TAF1L: variants seen among roughly 807,000 people sequenced by gnomAD.
TAF1L encodes TATA-box binding protein associated factor 1 like.
A neutral mutation model predicts 128.8 loss-of-function variants in TAF1L; 30 were observed. The observed-to-expected ratio is 0.23, with a 90% CI of 0.17 to 0.32. The LOEUF (loss-of-function observed/expected upper bound fraction) is 0.32. TAF1L is among the 10% of genes least tolerant of loss of function. The pLI is 1.00. For missense variants in TAF1L, 2,099 were observed against 2,253.7 expected, an observed-to-expected ratio of 0.93 and a Z score of 1.39; for synonymous variants, 764 against 790.7, an observed-to-expected ratio of 0.97 and a Z score of 0.57.
rs765455049 is a variant in TAF1L at position 32,634,219 on chromosome 9, C to T, written c.1361G>A (p.Gly454Asp). The stretch of plus-strand genomic sequence containing the variant: ...CCTAGTCTTAATAGAAGGAAGCCAG[C>T]CTGCCAGGCTTGCACCCTGAGGTTT... Reference protein sequence around the residue: ...GTKPQGASLAGWLPSIKTRNV... With the variant: ...GTKPQGASLADWLPSIKTRNV... The change falls in exon 1 of 1, where the codon GGC becomes GAC. Residue 454 changes from glycine to aspartate, a missense_variant. By Grantham distance (94) the Gly-to-Asp change is moderately conservative (BLOSUM62 -1). Coordinates refer to ENST00000242310, the MANE Select transcript of TAF1L (RefSeq NM_153809.2). 3 of 1,614,174 alleles carry T rather than the reference C, an allele frequency of 1.9e-6. No individual in the cohort carries two copies. The Admixed American group carries it at 5.0e-5, about 27-fold the overall frequency.
rs1460241724 is a variant in TAF1L, at chr9:32,631,404, G to A, written c.4176C>T (p.Ser1392=). ...TAGGGTCTGTGCGGCGTCGGTGGAT[G>A]GACTTATGAGGTATATTCAAATAGT... ...HCDYLNIPHK[S]IHRRRTDPMV... The change falls in exon 1 of 1, where the codon TCC becomes TCT. Residue 1392 remains serine, a synonymous_variant. Coordinates refer to ENST00000242310, the MANE Select transcript of TAF1L (RefSeq NM_153809.2). This position sits in a 1 kb window ranked among gnomAD's most constrained non-coding sequence, Gnocchi z 4.1. 6.2e-7 allele frequency: 1 copy of A among 1,614,150 alleles called. No homozygotes were observed. Among genetic ancestry groups the A allele is most frequent in the African/African-American group, 1.3e-5 (1 of 75,016 alleles).
chr9:32,631,751 G>C lies in TAF1L; in HGVS notation c.3829C>G (p.Pro1277Ala), dbSNP rs777903464. 3.1e-6 allele frequency: 5 copies of C among 1,614,060 alleles called. No homozygotes were observed. Among genetic ancestry groups the C allele is most frequent in the Non-Finnish European group, 4.2e-6 (5 of 1,180,040 alleles). ...GCCCCACATTTCAGTTTTAGGTCAG[G>C]ACGCTCTTTCATTTTCTTGGGCTTC... Reference protein sequence around the residue: ...EKKPKKMKERPDLKLKCGACG... With the variant: ...EKKPKKMKERADLKLKCGACG... Residue 1277 changes from proline (P) to alanine (A), a missense_variant, in exon 1 of 1, where the codon CCT (proline) becomes GCT (alanine). Coordinates refer to ENST00000242310, the MANE Select transcript of TAF1L (RefSeq NM_153809.2). This position sits in a 1 kb window ranked among gnomAD's most constrained non-coding sequence, Gnocchi z 4.1.
At position 32,632,140 on chromosome 9, in the gene TAF1L, T is replaced by G; in HGVS notation, c.3440A>C (p.Glu1147Ala). The G allele has an allele frequency of 1.2e-6, 2 of 1,614,190 alleles. No individual in the cohort carries two copies. Among genetic ancestry groups the G allele is most frequent in the East Asian group, 4.5e-5 (2 of 44,876 alleles). ...SREWEEQERK[E>A]LRRMLLVAGS... ...TGCTACCAGTAGCATTCGCCGTAGT[T>G]CCTTCCGCTCCTGCTCCTCCCATTC... Residue 1147 changes from glutamate to alanine, a missense_variant, in exon 1 of 1, where the codon GAA (glutamate) becomes GCA (alanine). Transcript: ENST00000242310. The surrounding 1 kb of genome is among the most constrained non-coding windows in gnomAD (Gnocchi z 4.4).
At position 32,634,642 on chromosome 9, in the gene TAF1L, T is replaced by C. The variant is rs1192256897; in HGVS notation, c.938A>G (p.Tyr313Cys). Residue 313 changes from tyrosine (Y) to cysteine (C), a missense_variant, in exon 1 of 1, where the codon TAT (tyrosine) becomes TGT (cysteine). Around this residue, in one of 4 missense-constraint regions of TAF1L, gnomAD observed 473 missense variants for 429.6 expected, o/e 1.10. Transcript: ENST00000242310. ...SEVSQKSLWN[Y>C]DYAPPPPPEQ... ...TGGGGGTGGTGGTGGAGCATAGTCA[T>C]AGTTCCACAAAGACTTCTGGCTGAC... 10 of 1,613,946 alleles carry C rather than the reference T, an allele frequency of 6.2e-6. No individual in the cohort carries two copies. Among genetic ancestry groups the C allele is most frequent in the South Asian group, 1.1e-5 (1 of 91,066 alleles).
At position 32,630,155 on chromosome 9, in the gene TAF1L, G is replaced by C; in HGVS notation, c.5425C>G (p.Gln1809Glu). ...GAAGCATGCTGAAGCATGAAGGGTT[G>C]TTTGGGTCTTATTCCACCATATCCC... Reference protein sequence around the residue: ...DVGYGGIRPKQPFMLQHASGE... With the variant: ...DVGYGGIRPKEPFMLQHASGE... Residue 1809 changes from glutamine to glutamate, a missense_variant, in exon 1 of 1, where the codon CAA (glutamine) becomes GAA (glutamate). Around this residue, in one of 4 missense-constraint regions of TAF1L, gnomAD observed 404 missense variants for 406.5 expected, o/e 0.99. Transcript: ENST00000242310. The C allele has an allele frequency of 6.2e-7, 1 of 1,614,196 alleles. No homozygotes were observed. The highest frequency in any genetic ancestry group is 1.1e-5 in the South Asian group (1 of 91,086).
At position 32,634,153 on chromosome 9, in the gene TAF1L, G is replaced by C. The variant is rs781100028; in HGVS notation, c.1427C>G (p.Thr476Ser). 1 of 1,614,068 alleles carries C rather than the reference G, an allele frequency of 6.2e-7. No individual in the cohort carries two copies. Among genetic ancestry groups the C allele is most frequent in the African/African-American group, 1.3e-5 (1 of 74,900 alleles). ...GTACCAAGGTTTGTCATCATCCAGA[G>C]TGGGTGCAAAACCTTGCTGAACATT... ...AYNVQQGFAP[T>S]LDDDKPWYSI... The change falls in exon 1 of 1, where the codon ACT becomes AGT. Residue 476 changes from threonine to serine, a missense_variant. This residue lies in a region of TAF1L where 1,213 missense variants were observed against 1,391.4 expected (regional missense o/e 0.87). Transcript: ENST00000242310.
In TAF1L at chr9:32,634,712, G is replaced by A. The variant is rs1242836540; in HGVS notation, c.868C>T (p.Gln290Ter). Residue 290 changes from glutamine to a stop codon, truncating the protein, a stop_gained, in exon 1 of 1, where the codon CAG becomes TAG. Coordinates refer to ENST00000242310, the MANE Select transcript of TAF1L (RefSeq NM_153809.2). LOFTEE classifies it high-confidence loss of function. ...RKRKKHRELI[Q>*]EEQIQEVECS... ...TCCACCTCCTGGATCTGCTCTTCCT[G>A]TATCAGCTCACGATGCTTCTTCCTC... 2 of 1,614,004 alleles carry A rather than the reference G, an allele frequency of 1.2e-6. No homozygotes were observed. Among genetic ancestry groups the A allele is most frequent in the Non-Finnish European group, 1.7e-6 (2 of 1,180,040 alleles).
rs746394860 is a variant in TAF1L, at chr9:32,631,456, C to G, written c.4124G>C (p.Arg1375Pro). 1 of 1,614,154 alleles carries G rather than the reference C, an allele frequency of 6.2e-7. No individual in the cohort carries two copies. Among genetic ancestry groups the G allele is most frequent in the Non-Finnish European group, 8.5e-7 (1 of 1,180,036 alleles). The change falls in exon 1 of 1, where the codon CGG becomes CCG. Residue 1375 changes from arginine to proline, a missense_variant. Physicochemically the swap from Arg to Pro is moderately radical, Grantham distance 103. Coordinates refer to ENST00000242310, the MANE Select transcript of TAF1L (RefSeq NM_153809.2). This position sits in a 1 kb window ranked among gnomAD's most constrained non-coding sequence, Gnocchi z 4.1. ...ACAATGAACAGTGGTTCCAACTCGC[C>G]GTTTCTTCTTTGGAGGAAGCTGCTG... is the stretch of plus-strand genomic sequence containing the variant. Reference protein sequence around the residue: ...PKQQLPPKKKRRVGTTVHCDY... With the variant: ...PKQQLPPKKKPRVGTTVHCDY...
At position 32,632,366 on chromosome 9, in the gene TAF1L, A is replaced by C. The variant is rs779447214; in HGVS notation, c.3214T>G (p.Phe1072Val). 1.2e-6 allele frequency: 2 copies of C among 1,613,896 alleles called. No individual in the cohort carries two copies. The highest frequency in any genetic ancestry group is 1.3e-5 in the African/African-American group (1 of 74,872). ...PMSKFARGSRFSVAEHQERYK... is the reference protein window; with the variant it reads ...PMSKFARGSRVSVAEHQERYK... ...CGCTCTTGATGCTCAGCCACAGAAAACCTTGATCCACGGGCAAATTTACTC... is the reference window on the plus strand; with the variant it reads ...CGCTCTTGATGCTCAGCCACAGAAACCCTTGATCCACGGGCAAATTTACTC... Residue 1072 changes from phenylalanine to valine, a missense_variant, in exon 1 of 1, where the codon TTT (phenylalanine) becomes GTT (valine). Phe to Val is a conservative substitution (Grantham distance 50). Transcript: ENST00000242310. The surrounding 1 kb of genome is among the most constrained non-coding windows in gnomAD (Gnocchi z 4.4).
In TAF1L at chr9:32,634,745, G is replaced by A. The variant is rs765406541; in HGVS notation, c.835C>T (p.Arg279Trp). The change falls in exon 1 of 1, where the codon CGG (arginine) becomes TGG (tryptophan). Residue 279 changes from arginine to tryptophan, a missense_variant. Arg to Trp is a moderately radical substitution (Grantham distance 101, BLOSUM62 -3). Transcript: ENST00000242310. ...KNVPSVWRSA[R>W]RKRKKHRELI... ...TCACGATGCTTCTTCCTCTTTCTCC[G>A]AGCACTCCGCCAAACAGATGGGACA... is the stretch of plus-strand genomic sequence containing the variant. 90 of 1,613,964 alleles carry A rather than the reference G, an allele frequency of 5.6e-5. 1 individual carries two copies. Among genetic ancestry groups the A allele is most frequent in the Middle Eastern group, 3.3e-4 (2 of 6,084 alleles).
Position 32,635,025 on chromosome 9 carries a change from G to C in TAF1L, c.555C>G (p.Ile185Met), listed in dbSNP as rs1231453335. 1 of 1,614,022 alleles carries C rather than the reference G, an allele frequency of 6.2e-7. No homozygotes were observed. Residue 185 changes from isoleucine to methionine, a missense_variant, in exon 1 of 1, where the codon ATC (isoleucine) becomes ATG (methionine). Around this residue, in one of 4 missense-constraint regions of TAF1L, gnomAD observed 473 missense variants for 429.6 expected, o/e 1.10. Coordinates refer to ENST00000242310, the MANE Select transcript of TAF1L (RefSeq NM_153809.2). Reference sequence around the variant, plus strand: ...AGGAAGGGGCAATGATGGAGGGCAAGATGATGTCTTCTCCACTTTCAGACA... The same window carrying C: ...AGGAAGGGGCAATGATGGAGGGCAACATGATGTCTTCTCCACTTTCAGACA... ...TCVSESGEDI[I>M]LPSIIAPSFL...
At position 32,634,702 on chromosome 9, in the gene TAF1L, T is replaced by C. The variant is rs1267957184; in HGVS notation, c.878A>G (p.Gln293Arg). The C allele has an allele frequency of 6.2e-7, 1 of 1,614,212 alleles. No homozygotes were observed. The highest frequency in any genetic ancestry group is 8.5e-7 in the Non-Finnish European group (1 of 1,180,046). Residue 293 changes from glutamine (Q) to arginine (R), a missense_variant, in exon 1 of 1, where the codon CAG (glutamine) becomes CGG (arginine). Gln to Arg is a conservative substitution (Grantham distance 43). Around this residue, in one of 4 missense-constraint regions of TAF1L, gnomAD observed 473 missense variants for 429.6 expected, o/e 1.10. Transcript: ENST00000242310. ...TACTGAGCATTCCACCTCCTGGATC[T>C]GCTCTTCCTGTATCAGCTCACGATG... ...KKHRELIQEE[Q>R]IQEVECSVES...
Position 32,634,187 on chromosome 9 carries a change from T to C in TAF1L, c.1393A>G (p.Met465Val). Reference protein sequence around the residue: ...WLPSIKTRNVMAYNVQQGFAP... With the variant: ...WLPSIKTRNVVAYNVQQGFAP... ...AAACCTTGCTGAACATTGTAAGCCA[T>C]TACATTCCTAGTCTTAATAGAAGGA... The change falls in exon 1 of 1, where the codon ATG becomes GTG. Residue 465 changes from methionine (M) to valine (V), a missense_variant. Physicochemically the swap from Met to Val is conservative, Grantham distance 21 (BLOSUM62 1). Around this residue, in one of 4 missense-constraint regions of TAF1L, gnomAD observed 1,213 missense variants for 1,391.4 expected, o/e 0.87. Transcript: ENST00000242310. 1 of 1,614,154 alleles carries C rather than the reference T, an allele frequency of 6.2e-7. No homozygotes were observed. The highest frequency in any genetic ancestry group is 2.2e-5 in the East Asian group (1 of 44,874).
chr9:32,635,263 G>C lies in TAF1L; in HGVS notation c.317C>G (p.Ala106Gly). The change falls in exon 1 of 1, where the codon GCT (alanine) becomes GGT (glycine). Residue 106 changes from alanine to glycine, a missense_variant. Coordinates refer to ENST00000242310, the MANE Select transcript of TAF1L (RefSeq NM_153809.2). ...DEGWIRSTED[A>G]VDYSDINEVA... ...CTCATTGATGTCTGAATAGTCTACAGCATCTTCTGTACTCCTAATCCACCC... is the reference window on the plus strand; with the variant it reads ...CTCATTGATGTCTGAATAGTCTACACCATCTTCTGTACTCCTAATCCACCC... 6.2e-7 allele frequency: 1 copy of C among 1,614,104 alleles called. No individual in the cohort carries two copies.
Position 32,630,461 on chromosome 9 carries a change from C to T in TAF1L, c.5119G>A (p.Gly1707Ser). The T allele has an allele frequency of 6.2e-7, 1 of 1,614,152 alleles. No homozygotes were observed. Among genetic ancestry groups the T allele is most frequent in the South Asian group, 1.1e-5 (1 of 91,082 alleles). The change falls in exon 1 of 1, where the codon GGC (glycine) becomes AGC (serine). Residue 1707 changes from glycine (G) to serine (S), a missense_variant. Gly to Ser is a moderately conservative substitution (Grantham distance 56). Coordinates refer to ENST00000242310, the MANE Select transcript of TAF1L (RefSeq NM_153809.2). The part of the protein sequence containing the change: ...TATPEKQMCQ[G>S]QGRLGEEDSD... ...TCTTCCTCACCCAGCCTACCTTGGCCCTGGCACATCTGTTTTTCTGGAGTG... is the reference window on the plus strand; with the variant it reads ...TCTTCCTCACCCAGCCTACCTTGGCTCTGGCACATCTGTTTTTCTGGAGTG...
Position 32,629,690 on chromosome 9 carries a change from C to T in TAF1L, c.*409G>A, listed in dbSNP as rs994563489. On this transcript the variant is annotated 3_prime_UTR_variant, in exon 1 of 1. Coordinates refer to ENST00000242310, the MANE Select transcript of TAF1L (RefSeq NM_153809.2). ...TCTTTTTTTTTGAGATGGAGTCTCACTCTTTCGCCCAGGCTGGAGCGCAGT... is the reference window on the plus strand; with the variant it reads ...TCTTTTTTTTTGAGATGGAGTCTCATTCTTTCGCCCAGGCTGGAGCGCAGT... The T allele has an allele frequency of 1.2e-5, 3 of 251,660 alleles. No individual in the cohort carries two copies. The highest frequency in any genetic ancestry group is 6.8e-5 in the African/African-American group (3 of 44,086). 15.6% of individuals were successfully genotyped at this position (251,660 alleles called of 1,614,324 possible).
chr9:32,631,783 G>C lies in TAF1L; in HGVS notation c.3797C>G (p.Pro1266Arg), dbSNP rs140558556. Reference sequence around the variant, plus strand: ...TTTCATTTTCTTGGGCTTCTTCTCAGGAGGACCCTTAAGCTTCTCCTTTTC... The same window carrying C: ...TTTCATTTTCTTGGGCTTCTTCTCACGAGGACCCTTAAGCTTCTCCTTTTC... ...NQEKEKLKGP[P>R]EKKPKKMKER... The change falls in exon 1 of 1, where the codon CCT becomes CGT. Residue 1266 changes from proline (P) to arginine (R), a missense_variant. Around this residue, in one of 4 missense-constraint regions of TAF1L, gnomAD observed 1,213 missense variants for 1,391.4 expected, o/e 0.87. Coordinates refer to ENST00000242310, the MANE Select transcript of TAF1L (RefSeq NM_153809.2). The surrounding 1 kb of genome is among the most constrained non-coding windows in gnomAD (Gnocchi z 4.1). 2.8e-3 allele frequency: 4,581 copies of C among 1,614,154 alleles called. 9 individuals are homozygous for C. The highest frequency in any genetic ancestry group is 3.5e-3 in the Non-Finnish European group (4,101 of 1,180,032).
rs896998531 is a variant in TAF1L at position 32,633,349 on chromosome 9, C to T, written c.2231G>A (p.Cys744Tyr). Residue 744 changes from cysteine (C) to tyrosine (Y), a missense_variant, in exon 1 of 1, where the codon TGC (cysteine) becomes TAC (tyrosine). Transcript: ENST00000242310. ...AGAGCCCAAGAAAGGAGATGTATGG[C>T]AGTAAACAGTTTCCCCATATTTACA... ...PDCKYGETVY[C>Y]HTSPFLGSLH... The T allele has an allele frequency of 2.5e-6, 4 of 1,614,098 alleles. No homozygotes were observed. In the African/African-American group the frequency reaches 4.0e-5, roughly 16 times the overall value.
At position 32,635,337 on chromosome 9, in the gene TAF1L, C is replaced by G. The variant is rs1298518857; in HGVS notation, c.243G>C (p.Thr81=). 1.5e-5 allele frequency: 25 copies of G among 1,614,114 alleles called. No individual in the cohort carries two copies. The highest frequency in any genetic ancestry group is 1.9e-5 in the Non-Finnish European group (23 of 1,180,020). The change falls in exon 1 of 1, where the codon ACG becomes ACC. Residue 81 remains threonine, a synonymous_variant. Transcript: ENST00000242310. ...LGLGSLITEL[T]ANEELTGTGG... ...CAGTCCCAGTCAATTCTTCATTTGC[C>G]GTGAGTTCAGTGATTAGGCTGCCCA...
Sources: allele counts gnomAD v4.1 joint callset, GRCh38; gene constraint gnomAD v4.1.1; regional missense constraint gnomAD v4.1.1; non-coding constraint Gnocchi (gnomAD v3.1); transcripts MANE v1.5; gene names NCBI Gene and HGNC (gene_info 2026-07-23, HGNC 2026-07-21).